The following CENPF variants were observed in gnomAD, a reference collection of about 807,000 sequenced individuals.
CENPF encodes centromere protein F.
A neutral mutation model predicts 307.3 loss-of-function variants in CENPF; 214 were observed. That is an observed-to-expected ratio of 0.70 (90% CI 0.62 to 0.78). The LOEUF is 0.78. CENPF is among the 30% of genes least tolerant of loss of function. The pLI is 0.00. For missense variants in CENPF, 3,401 were observed against 3,483.9 expected, an observed-to-expected ratio of 0.98 and a Z score of 0.60; for synonymous variants, 1,259 against 1,270.6, an observed-to-expected ratio of 0.99 and a Z score of 0.19.
chr1:214,607,222 C>T (rs1361935496), intron 1 of CENPF, among the ~76,000 whole-genome samples: 2 of 152,250 alleles, frequency 1.3e-5, no homozygotes, highest in Admixed American at 6.5e-5. Context: ...GATGTCACCA[C>T]TCAAACGAAC....
In CENPF at chr1:214,629,207, A is replaced by C. The variant is rs766578459; in HGVS notation, c.1194+36A>C. ...TGGATTCATGAGGTGTTTGTCTGAAAGGCTTTTTATGGGCTTTTCATAGTT... is the reference window on the plus strand; with the variant it reads ...TGGATTCATGAGGTGTTTGTCTGAACGGCTTTTTATGGGCTTTTCATAGTT... On this transcript the variant is annotated intron_variant, in intron 8 of 19. Transcript: ENST00000366955. 3.3e-6 allele frequency: 5 copies of C among 1,529,438 alleles called. No individual in the cohort carries two copies. In the South Asian group the frequency reaches 6.5e-5, roughly 20 times the overall value. The allele number at this position is 1,529,438 out of a possible 1,614,324, so 94.7% of individuals were successfully genotyped here.
rs370332295 is a variant in CENPF, at chr1:214,640,491, T to C, written c.2153T>C (p.Ile718Thr). ...TCAGATCAGAAACATCAGAAGGAAA[T>C]AGAAAATATGTGTTTGAAGACTTCT... Reference protein sequence around the residue: ...EFSDQKHQKEIENMCLKTSQL... With the variant: ...EFSDQKHQKETENMCLKTSQL... Residue 718 changes from isoleucine (I) to threonine (T), a missense_variant, in exon 12 of 20, where the codon ATA becomes ACA. Transcript: ENST00000366955. 1.2e-6 allele frequency: 2 copies of C among 1,613,908 alleles called. No homozygotes were observed. Among genetic ancestry groups the C allele is most frequent in the African/African-American group, 1.3e-5 (1 of 74,894 alleles).
In CENPF at chr1:214,657,156, A is replaced by T; in HGVS notation, c.8709A>T (p.Leu2903=). The T allele has an allele frequency of 6.2e-7, 1 of 1,614,196 alleles. No individual in the cohort carries two copies. Among genetic ancestry groups the T allele is most frequent in the African/African-American group, 1.3e-5 (1 of 75,068 alleles). Residue 2903 remains leucine, a synonymous_variant, in exon 18 of 20, where the codon CTA becomes CTT. Coordinates refer to ENST00000366955, the MANE Select transcript of CENPF (RefSeq NM_016343.4). ...AAGATTCCCGAGGGTCTCCTTTGCTAGGTCCAGTTGTTCCAGGACCATCTC... is the reference window on the plus strand; with the variant it reads ...AAGATTCCCGAGGGTCTCCTTTGCTTGGTCCAGTTGTTCCAGGACCATCTC... ...SKQDSRGSPL[L]GPVVPGPSPI... is the part of the protein sequence containing the mutation.
At chr1:214,609,164 C>G (rs1359244460) in intron 1 of CENPF, among the ~76,000 whole-genome samples, 1 of 152,070 alleles carries the variant, frequency 6.6e-6, no homozygotes, top group Non-Finnish European at 1.5e-5. Context: ...CCTCCGCGCC[C>G]CGGCCGGCCT....
chr1:214,620,745 GA>G lies in CENPF; in HGVS notation c.665del (p.Glu222GlyfsTer31). On this transcript the variant is annotated frameshift_variant, in exon 6 of 20. Transcript: ENST00000366955. LOFTEE classifies it high-confidence loss of function. ...ASSSVFSWQQ[E>X]KTPSHLSSNS... is the part of the protein sequence containing the mutation. The stretch of plus-strand genomic sequence containing the variant: ...ATCATCTGTGTTCTCATGGCAGCAA[GA>G]GAAGACCCCAAGTCATCTTTCATCT... 6.2e-7 allele frequency: 1 copy of G among 1,614,172 alleles called. No homozygotes were observed. Among genetic ancestry groups the G allele is most frequent in the Non-Finnish European group, 8.5e-7 (1 of 1,180,024 alleles).
chr1:214,651,670 TGAG>T, intron 14 of CENPF, 37 bp from the exon 15 acceptor site: 5 of 1,427,260 alleles, frequency 3.5e-6, no homozygotes, highest in Non-Finnish European at 4.8e-6. Flanking sequence ...TTCTTAATTA[TGAG>T]GAGGTGCTAT....
At chr1:214,611,169 T>A (rs1462036925) in intron 1 of CENPF, among the ~76,000 whole-genome samples, 2 of 152,206 alleles carry the variant, frequency 1.3e-5, no homozygotes, top group Non-Finnish European at 2.9e-5. Flanking sequence ...TTGGGCTTAT[T>A]TTTGGTTCCA....
At chr1:214,637,816 C>T in intron 10 of CENPF, 50 bp from the exon 11 acceptor site, 1 of 1,573,982 alleles carries the variant, frequency 6.4e-7, no homozygotes, top group Non-Finnish European at 8.6e-7. Context: ...GAAGTCATAA[C>T]TTACTTGAGC....
At chr1:214,661,874 CTT>C (rs34450327) in intron 19 of CENPF, among the ~76,000 whole-genome samples, 5 of 148,078 alleles carry the variant, frequency 3.4e-5, no homozygotes, top group Non-Finnish European at 6.0e-5. Flanking sequence ...TATGCTTGCA[CTT>C]TTTTTTTTTC....
chr1:214,645,193 G>C lies in CENPF; in HGVS notation c.5623G>C (p.Asp1875His). 2 of 1,614,014 alleles carry C rather than the reference G, an allele frequency of 1.2e-6. No homozygotes were observed. The highest frequency in any genetic ancestry group is 1.7e-6 in the Non-Finnish European group (2 of 1,179,982). The change falls in exon 13 of 20, where the codon GAT (aspartate) becomes CAT (histidine). Residue 1875 changes from aspartate to histidine, a missense_variant. Asp to His is a moderately conservative substitution (Grantham distance 81, BLOSUM62 -1). Coordinates refer to ENST00000366955, the MANE Select transcript of CENPF (RefSeq NM_016343.4). ...GLNSDLEMHA[D>H]KSSREDIGDN... Reference sequence around the variant, plus strand: ...CAATTCTGATTTAGAAATGCATGCAGATAAATCATCACGTGAAGATATTGG... The same window carrying C: ...CAATTCTGATTTAGAAATGCATGCACATAAATCATCACGTGAAGATATTGG...
chr1:214,605,419 C>G, intron 1 of CENPF: 1 of 467,332 alleles, frequency 2.1e-6, no homozygotes, highest in Non-Finnish European at 3.8e-6. Context: ...CCGTAAGTGC[C>G]TGAGCTAGAA....
chr1:214,652,663 T>C (rs1658518589), intron 15 of CENPF, among the ~76,000 whole-genome samples, 165 bp from the exon 16 acceptor site: 1 of 151,922 alleles, frequency 6.6e-6, no homozygotes. Flanking sequence ...CAGGATGGCC[T>C]TGAACTCCTG....
intron 19 of CENPF, among the ~76,000 whole-genome samples, chr1:214,661,967 C>A (rs1231555791): frequency 1.3e-5 from 2 of 151,826 alleles, no homozygotes; most frequent in Non-Finnish European, 2.9e-5. Flanking sequence ...TGGTTATAGA[C>A]CATTCTGAAG....
chr1:214,629,263 A>G, intron 8 of CENPF, 92 bp downstream of exon 8: 1 of 1,247,262 alleles, frequency 8.0e-7, no homozygotes, highest in Admixed American at 2.8e-5. Context: ...TTGTTATCAC[A>G]ATTTGGGAAA....
chr1:214,642,681 T>C lies in CENPF; in HGVS notation c.4343T>C (p.Val1448Ala). ...YVDSLKAENL[V>A]LSTNLRNFQG... Reference sequence around the variant, plus strand: ...GACTCATTAAAGGCCGAAAATTTGGTCTTGTCAACGAATCTGAGAAACTTT... The same window carrying C: ...GACTCATTAAAGGCCGAAAATTTGGCCTTGTCAACGAATCTGAGAAACTTT... Residue 1448 changes from valine to alanine, a missense_variant, in exon 12 of 20, where the codon GTC becomes GCC. By Grantham distance (64) the Val-to-Ala change is moderately conservative. Transcript: ENST00000366955. The C allele has an allele frequency of 6.2e-7, 1 of 1,614,120 alleles. No homozygotes were observed. The highest frequency in any genetic ancestry group is 1.7e-5 in the Admixed American group (1 of 60,006).
intron 10 of CENPF, among the ~76,000 whole-genome samples, chr1:214,636,105 G>A (rs1657959439): frequency 6.6e-6 from 1 of 152,020 alleles, no homozygotes; most frequent in African/African-American, 2.4e-5. Context: ...GCTGATCTTA[G>A]CATTGATTAC....
At chr1:214,606,625 A>C (rs1657040976) in intron 1 of CENPF, among the ~76,000 whole-genome samples, 1 of 152,066 alleles carries the variant, frequency 6.6e-6, no homozygotes, top group African/African-American at 2.4e-5. Flanking sequence ...GCCCAATGAG[A>C]TGCCAGTGCA....
chr1:214,606,149 C>T, intron 1 of CENPF: 4 of 1,443,790 alleles, frequency 2.8e-6, no homozygotes, highest in Non-Finnish European at 2.8e-6. Flanking sequence ...GCGGGCGTCC[C>T]CGGGCCCAGC....
Position 214,645,934 on chromosome 1 carries a change from G to A in CENPF, c.6364G>A (p.Glu2122Lys), listed in dbSNP as rs1004159556. Residue 2122 changes from glutamate (E) to lysine (K), a missense_variant, in exon 13 of 20, where the codon GAG becomes AAG. Transcript: ENST00000366955. ...EEVHQLRRGI[E>K]KLRVRIEADE... ...AGTGCATCAGCTGAGAAGAGGCATC[G>A]AGAAACTGAGAGTTCGCATTGAGGC... The A allele has an allele frequency of 3.1e-6, 5 of 1,614,022 alleles. No individual in the cohort carries two copies. Among genetic ancestry groups the A allele is most frequent in the African/African-American group, 1.3e-5 (1 of 74,938 alleles).
Sources: gnomAD v4.1 joint callset for allele counts (sites outside exome capture counted in the v4.1 genomes callset) on GRCh38, gnomAD v4.1.1 for gene constraint, MANE v1.5 for transcripts, NCBI Gene and HGNC (gene_info 2026-07-23, HGNC 2026-07-21) for gene names.